Variants in NIPBL observed in about 807,000 individuals in gnomAD.
The protein encoded by NIPBL is nipped-B-like protein.
A neutral mutation model predicts 321.8 loss-of-function variants in NIPBL; 19 were observed. The ratio of observed to expected loss-of-function variants is 0.06; its 90% CI spans 0.04 to 0.09. The LOEUF (loss-of-function observed/expected upper bound fraction) is 0.09. NIPBL is among the 10% of genes least tolerant of loss of function. The probability of loss-of-function intolerance (pLI) is 1.00; values close to 1 mark genes in which losing one functional copy is unlikely to be tolerated. For missense variants in NIPBL, 2,210 were observed against 3,327.0 expected, an observed-to-expected ratio of 0.66 and a Z score of 8.26; for synonymous variants, 1,106 against 1,114.1, an observed-to-expected ratio of 0.99 and a Z score of 0.14.
chr5:36,939,724 GTGTCATCC>G (rs953894904), intron 1 of NIPBL, among the ~76,000 whole-genome samples: 5 of 152,174 alleles, frequency 3.3e-5, no homozygotes, highest in African/African-American at 1.2e-4. Context: ...CCTTCTTGCT[GTGTCATCC>G]CATCATGGAA....
Position 36,882,983 on chromosome 5 carries a change from C to CTG in NIPBL, c.-80+5805_-80+5806insTG, listed in dbSNP as rs1745621233. 2.0e-5 allele frequency among the ~76,000 whole-genome samples: 3 copies of CTG among 151,144 alleles called. No homozygotes were observed. The East Asian group carries it at 5.8e-4, about 29-fold the overall frequency. On this transcript the variant is annotated intron_variant, in intron 1 of 46. Transcript: ENST00000282516. ...TAAATAGGATATTGATTTTTAAATGCAGGTACTGTGGAATATATTAAATGT... is the reference window on the plus strand; with the variant it reads ...TAAATAGGATATTGATTTTTAAATGCTGAGGTACTGTGGAATATATTAAATGT...
At position 37,064,560 on chromosome 5, in the gene NIPBL, A is replaced by G. The variant is rs1579633515; in HGVS notation, c.8083A>G (p.Thr2695Ala). 1 of 1,614,064 alleles carries G rather than the reference A, an allele frequency of 6.2e-7. No individual in the cohort carries two copies. Among genetic ancestry groups the G allele is most frequent in the Non-Finnish European group, 8.5e-7 (1 of 1,180,040 alleles). The change falls in exon 47 of 47, where the codon ACG becomes GCG. Residue 2695 changes from threonine (T) to alanine (A), a missense_variant. Coordinates refer to ENST00000282516, the MANE Select transcript of NIPBL (RefSeq NM_133433.4). ...LRRSKRNSDSTELAAQMNESV... is the reference protein window; with the variant it reads ...LRRSKRNSDSAELAAQMNESV... ...AAGGTCAAAACGAAATTCAGACTCT[A>G]CGGAGTTGGCAGCACAGATGAATGA...
chr5:36,985,141 A>G lies in NIPBL; in HGVS notation c.1961A>G (p.Asn654Ser). Residue 654 changes from asparagine (N) to serine (S), a missense_variant, in exon 10 of 47, where the codon AAT becomes AGT. Physicochemically the swap from Asn to Ser is conservative, Grantham distance 46 (BLOSUM62 1). Coordinates refer to ENST00000282516, the MANE Select transcript of NIPBL (RefSeq NM_133433.4). ...VETQTEELKQ[N>S]ESRTTECKQN... ...ACCCAAACAGAAGAACTTAAACAGA[A>G]TGAGAGCAGAACAACTGAATGCAAA... 1 of 1,613,916 alleles carries G rather than the reference A, an allele frequency of 6.2e-7. No homozygotes were observed. Among genetic ancestry groups the G allele is most frequent in the Non-Finnish European group, 8.5e-7 (1 of 1,179,932 alleles).
At chr5:36,911,986 G>T (rs1199992187) in intron 1 of NIPBL, among the ~76,000 whole-genome samples, 1 of 152,124 alleles carries the variant, frequency 6.6e-6, no homozygotes, top group African/African-American at 2.4e-5. Context: ...CTTTTAAGAG[G>T]GGAGTCATTT....
intron 8 of NIPBL, among the ~76,000 whole-genome samples, chr5:36,975,292 A>G (rs1029665260): frequency 1.3e-5 from 2 of 152,112 alleles, no homozygotes; most frequent in African/African-American, 4.8e-5. Context: ...TCATCCCAGT[A>G]GTATTCATGT....
intron 32 of NIPBL, among the ~76,000 whole-genome samples, chr5:37,032,430 T>TGTGTGTGTA (rs1751163613): frequency 7.0e-6 from 1 of 141,976 alleles, no homozygotes; most frequent in Non-Finnish European, 1.5e-5. Flanking sequence ...TGTGTGTGTG[T>TGTGTGTGTA]GTGTGTGTAG....
chr5:36,889,153 AAGTTTT>A (rs1746135893), intron 1 of NIPBL, among the ~76,000 whole-genome samples: 1 of 152,166 alleles, frequency 6.6e-6, no homozygotes, highest in African/African-American at 2.4e-5. Context: ...AATACTGAGC[AAGTTTT>A]ATAGAGGAAA....
intron 8 of NIPBL, among the ~76,000 whole-genome samples, chr5:36,972,424 T>C (rs1251754641): frequency 6.6e-6 from 1 of 152,166 alleles, no homozygotes; most frequent in Non-Finnish European, 1.5e-5. Flanking sequence ...ACTTCTTTCA[T>C]TGATACTTTT....
chr5:37,033,730 A>ATATATTT (rs775482943), intron 32 of NIPBL, among the ~76,000 whole-genome samples: 12 of 21,508 alleles, frequency 5.6e-4, no homozygotes, highest in Admixed American at 8.3e-4. Flanking sequence ...ATATATATAT[A>ATATATTT]TTTTTTTTTT....
chr5:36,943,110 T>G (rs1002446276), intron 1 of NIPBL, among the ~76,000 whole-genome samples: 1 of 152,182 alleles, frequency 6.6e-6, no homozygotes, highest in Non-Finnish European at 1.5e-5. Flanking sequence ...AGTCCACAAT[T>G]TGTTGAATCC....
chr5:37,046,058 TTAATC>T lies in NIPBL; in HGVS notation c.6499-47_6499-43del, dbSNP rs763947863. On this transcript the variant is annotated intron_variant, in intron 37 of 46. Transcript: ENST00000282516. Reference sequence around the variant, plus strand: ...TATTTTTTTCCTTTATAGTTGAAAATTAATCTAAGTTACTGTTCATGAACACTTTA... The same window carrying T: ...TATTTTTTTCCTTTATAGTTGAAAATTAAGTTACTGTTCATGAACACTTTA... 46 of 925,506 alleles carry T rather than the reference TTAATC, an allele frequency of 5.0e-5. 1 individual carries two copies. Among genetic ancestry groups the T allele is most frequent in the South Asian group, 1.1e-4 (8 of 73,192 alleles). 57.3% of individuals were successfully genotyped at this position (925,506 alleles called of 1,614,324 possible). A position where few individuals can be genotyped will look rare whatever the true frequency, so the allele number is the denominator to read the frequency against.
chr5:36,951,880 A>G (rs1056189784), intron 1 of NIPBL, among the ~76,000 whole-genome samples: 6 of 152,084 alleles, frequency 3.9e-5, no homozygotes, highest in African/African-American at 1.4e-4. Flanking sequence ...GAATGTACAT[A>G]TAAAGGTCTT....
chr5:37,020,834 C>T lies in NIPBL; in HGVS notation c.5285C>T (p.Ser1762Phe). The T allele has an allele frequency of 6.2e-7, 1 of 1,614,078 alleles. No individual in the cohort carries two copies. The highest frequency in any genetic ancestry group is 8.5e-7 in the Non-Finnish European group (1 of 1,179,952). The change falls in exon 27 of 47, where the codon TCC becomes TTC. Residue 1762 changes from serine to phenylalanine, a missense_variant. By Grantham distance (155) the Ser-to-Phe change is radical (BLOSUM62 -2). Coordinates refer to ENST00000282516, the MANE Select transcript of NIPBL (RefSeq NM_133433.4). ...DACLIVRYLA[S>F]MRPFAQSFDI... ...TGCTTGATTGTTCGATACTTGGCCT[C>T]CATGAGGCCGTTTGCCCAGAGCTTT...
intron 32 of NIPBL, among the ~76,000 whole-genome samples, chr5:37,029,103 A>G (rs1172509443): frequency 6.6e-6 from 1 of 152,198 alleles, no homozygotes; most frequent in Non-Finnish European, 1.5e-5. Context: ...TTATTGCATC[A>G]CAGCAGGAAG....
chr5:36,901,863 C>A (rs1281361888), intron 1 of NIPBL, among the ~76,000 whole-genome samples: 1 of 152,174 alleles, frequency 6.6e-6, no homozygotes, highest in Non-Finnish European at 1.5e-5. Context: ...AACTAGTTTA[C>A]ATTCCCACCA....
At chr5:37,014,850 C>G (rs1277898965) in intron 22 of NIPBL, 85 bp downstream of exon 22, 2 of 815,746 alleles carry the variant, frequency 2.5e-6, no homozygotes, top group Non-Finnish European at 2.1e-6. Context: ...ATCCAATTTC[C>G]TGCCATAATC....
chr5:37,031,053 C>T (rs373574536), intron 32 of NIPBL, among the ~76,000 whole-genome samples: 9 of 151,690 alleles, frequency 5.9e-5, no homozygotes, highest in Admixed American at 4.6e-4. Context: ...GCACGATCTC[C>T]GCTCACTGCA....
chr5:37,002,800 C>A, intron 15 of NIPBL, 35 bp downstream of exon 15: 1 of 1,154,396 alleles, frequency 8.7e-7, no homozygotes, highest in South Asian at 1.3e-5. Flanking sequence ...AAATTTACTT[C>A]ATAGAAACAT....
chr5:36,888,127 C>T (rs952353051), intron 1 of NIPBL, among the ~76,000 whole-genome samples: 1 of 152,100 alleles, frequency 6.6e-6, no homozygotes, highest in African/African-American at 2.4e-5. Flanking sequence ...GATTTAATAA[C>T]TTCTAGTATT....
Sources: gnomAD v4.1 joint callset for allele counts (sites outside exome capture counted in the v4.1 genomes callset) on GRCh38, gnomAD v4.1.1 for gene constraint, MANE v1.5 for transcripts, NCBI Gene and HGNC (gene_info 2026-07-23, HGNC 2026-07-21) for gene names.